ROBO2: variants seen among roughly 807,000 people sequenced by gnomAD.
ROBO2 encodes the protein roundabout guidance receptor 2.
A neutral mutation model predicts 160.8 loss-of-function variants in ROBO2; 53 were observed. The observed-to-expected ratio is 0.33, with a 90% CI of 0.26 to 0.41. The LOEUF is 0.41. Ranked by LOEUF, ROBO2 falls within the 10% of genes least tolerant of loss-of-function variation. ROBO2 has a pLI of 1.00. For missense variants in ROBO2, 1,577 were observed against 1,722.4 expected, an observed-to-expected ratio of 0.92 and a Z score of 1.49; for synonymous variants, 664 against 611.7, an observed-to-expected ratio of 1.09 and a Z score of -1.26.
intron 2 of ROBO2, among the ~76,000 whole-genome samples, chr3:76,404,363 G>T (rs901002852): frequency 6.6e-6 from 1 of 151,592 alleles, no homozygotes; most frequent in Admixed American, 6.6e-5. Flanking sequence ...GGCTTTGGAA[G>T]CTGTTCAGTT....
At chr3:76,930,806 C>G (rs1009144371) in intron 2 of ROBO2, among the ~76,000 whole-genome samples, 1 of 152,164 alleles carries the variant, frequency 6.6e-6, no homozygotes, top group Non-Finnish European at 1.5e-5. Flanking sequence ...TCTGTTCAGG[C>G]CCTCAGTGGA....
At chr3:76,737,102 C>T (rs184716009) in intron 2 of ROBO2, among the ~76,000 whole-genome samples, 8 of 152,216 alleles carry the variant, frequency 5.3e-5, no homozygotes, top group African/African-American at 1.2e-4. Context: ...CATGTTTTTA[C>T]GTGCAATAAT....
chr3:77,476,064 A>G (rs1313213213), intron 2 of ROBO2, among the ~76,000 whole-genome samples: 2 of 152,350 alleles, frequency 1.3e-5, no homozygotes, highest in African/African-American at 4.8e-5. Context: ...TGACTTCATT[A>G]AGATGGAAAA....
intron 2 of ROBO2, among the ~76,000 whole-genome samples, chr3:75,975,964 A>G (rs1442823594): frequency 6.6e-6 from 1 of 151,138 alleles, no homozygotes; most frequent in East Asian, 2.0e-4. Context: ...GGGCCATAGA[A>G]CTCCAGTCAC....
At chr3:76,380,946 G>A (rs1380345829) in intron 2 of ROBO2, among the ~76,000 whole-genome samples, 2 of 151,492 alleles carry the variant, frequency 1.3e-5, no homozygotes, top group African/African-American at 2.4e-5. Context: ...TTCTCCTGCA[G>A]GTCAGACAGA....
At position 77,079,263 on chromosome 3, in the gene ROBO2, T is replaced by A. The variant is rs1212130834; in HGVS notation, c.62-18751T>A. Among the ~76,000 whole-genome samples, 5 of 152,202 alleles carry A rather than the reference T, an allele frequency of 3.3e-5. No homozygotes were observed. The South Asian group carries it at 1.0e-3, about 32-fold the overall frequency. The stretch of plus-strand genomic sequence containing the variant: ...CACCCAGCTGCTATATTTAATTATT[T>A]AATTCAACTATTAATACTTTGTGTT... On this transcript the variant is annotated intron_variant, in intron 1 of 25. Coordinates refer to ENST00000461745, the Ensembl canonical transcript of ROBO2.
chr3:77,009,480 T>C (rs1222995975), intron 2 of ROBO2, among the ~76,000 whole-genome samples: 1 of 152,190 alleles, frequency 6.6e-6, no homozygotes, highest in Non-Finnish European at 1.5e-5. Flanking sequence ...ACATAAGAAT[T>C]GTATTTAATG....
intron 2 of ROBO2, among the ~76,000 whole-genome samples, chr3:76,871,817 C>T (rs2072121685): frequency 6.6e-6 from 1 of 152,080 alleles, no homozygotes; most frequent in Non-Finnish European, 1.5e-5. Flanking sequence ...GTCTTGTAGC[C>T]ACCAGCTCTT....
At chr3:76,344,490 T>C (rs1171153764) in intron 2 of ROBO2, among the ~76,000 whole-genome samples, 1 of 152,176 alleles carries the variant, frequency 6.6e-6, no homozygotes, top group Non-Finnish European at 1.5e-5. Flanking sequence ...TTAAGCTATA[T>C]TTTCAAAGAT....
At chr3:76,410,528 T>C (rs1197386016) in intron 2 of ROBO2, among the ~76,000 whole-genome samples, 2 of 152,176 alleles carry the variant, frequency 1.3e-5, no homozygotes, top group African/African-American at 4.8e-5. Flanking sequence ...GCATTTTAAG[T>C]TCAGGTTCTC....
At chr3:77,040,571 A>C in exon 1 of ROBO2, 1 of 1,424,390 alleles carries the variant, frequency 7.0e-7, no homozygotes, top group South Asian at 1.5e-5. Context: ...GCAGCCTTTG[A>C]AGTACCCTCT....
At chr3:77,105,960 G>A (rs758262629) in intron 2 of ROBO2, among the ~76,000 whole-genome samples, 11 of 152,194 alleles carry the variant, frequency 7.2e-5, no homozygotes, top group African/African-American at 1.2e-4. Flanking sequence ...GGTCTGCTCC[G>A]GTTTTCGATC....
chr3:77,054,159 C>G (rs4586862), intron 1 of ROBO2, among the ~76,000 whole-genome samples: 104,282 of 152,024 alleles, frequency 0.69, 39,160 homozygotes, highest in Middle Eastern at 0.86. Context: ...TTGGAAAGTT[C>G]AAGTAGTTCC....
intron 2 of ROBO2, among the ~76,000 whole-genome samples, chr3:76,347,408 G>A (rs1330389284): frequency 3.9e-5 from 6 of 152,106 alleles, no homozygotes; most frequent in African/African-American, 1.4e-4. Flanking sequence ...TGATGTTAGT[G>A]TGTGTGCATT....
chr3:77,186,502 T>C (rs1185665935), intron 2 of ROBO2, among the ~76,000 whole-genome samples: 1 of 151,894 alleles, frequency 6.6e-6, no homozygotes, highest in Non-Finnish European at 1.5e-5. Context: ...GAAGTAATAA[T>C]AGAAAGCTAG....
At chr3:77,493,182 T>G in intron 4 of ROBO2, 62 bp from the exon 5 acceptor site, 1 of 1,564,216 alleles carries the variant, frequency 6.4e-7, no homozygotes, top group East Asian at 2.2e-5. Flanking sequence ...TTTTTCATAA[T>G]GTACTTAAAG....
intron 2 of ROBO2, among the ~76,000 whole-genome samples, chr3:76,230,660 A>G (rs1034629803): frequency 2.0e-5 from 3 of 150,686 alleles, no homozygotes; most frequent in African/African-American, 7.3e-5. Flanking sequence ...TTGTTATTCA[A>G]TCGGTCACTG....
chr3:77,498,994 AG>A (rs2087169088), intron 5 of ROBO2, among the ~76,000 whole-genome samples: 1 of 152,260 alleles, frequency 6.6e-6, no homozygotes, highest in Non-Finnish European at 1.5e-5. Context: ...ACAAATTTAA[AG>A]AAAAAGTGTA....
At chr3:76,973,844 A>C (rs1043917382) in intron 2 of ROBO2, among the ~76,000 whole-genome samples, 1 of 152,186 alleles carries the variant, frequency 6.6e-6, no homozygotes, top group Non-Finnish European at 1.5e-5. Context: ...CACAGTAGAC[A>C]ATATCACCTT....
Sources: gnomAD v4.1 joint callset for allele counts (sites outside exome capture counted in the v4.1 genomes callset) on GRCh38, gnomAD v4.1.1 for gene constraint, MANE v1.5 for transcripts, NCBI Gene and HGNC (gene_info 2026-07-23, HGNC 2026-07-21) for gene names.